The following ACVR2B variants were observed in gnomAD, a reference collection of about 807,000 sequenced individuals.
The protein encoded by ACVR2B is activin A receptor type 2B, also known as activin receptor type-2B.
In ACVR2B, 18 loss-of-function variants were observed where a neutral mutation model predicts 65.1. The ratio of observed to expected loss-of-function variants is 0.28; its 90% CI spans 0.19 to 0.41. ACVR2B has a LOEUF of 0.41. Among genes scored for constraint, ACVR2B ranks in the 10% least tolerant of loss-of-function variants. ACVR2B has a pLI of 1.00. For synonymous variants in ACVR2B, 298 were observed against 277.7 expected (o/e 1.07, Z -0.73); for missense variants, 482 against 682.7 (o/e 0.71, Z 3.28).
chr3:38,454,501 A>G, intron 1 of ACVR2B, 127 bp downstream of exon 1: 12 of 848,838 alleles, frequency 1.4e-5, no homozygotes, highest in Non-Finnish European at 1.8e-5. Context: ...TTCAGCCCTC[A>G]CCTCCGGGGG....
At chr3:38,464,255 G>C (rs1709694354) in intron 1 of ACVR2B, among the ~76,000 whole-genome samples, 1 of 152,204 alleles carries the variant, frequency 6.6e-6, no homozygotes, top group South Asian at 2.1e-4. Flanking sequence ...GCTTTGCCCT[G>C]GTGTCTCTGT....
At chr3:38,482,685 T>C in intron 10 of ACVR2B, 125 bp downstream of exon 10, 3 of 1,355,112 alleles carry the variant, frequency 2.2e-6, no homozygotes, top group South Asian at 2.6e-5. Context: ...CCCTGGACTC[T>C]AGGGATGTGT....
Position 38,490,409 on chromosome 3 carries a change from T to C in ACVR2B, c.*7077T>C, listed in dbSNP as rs1369045011. On this transcript the variant is annotated 3_prime_UTR_variant, in exon 11 of 11. Coordinates refer to ENST00000352511, the MANE Select transcript of ACVR2B (RefSeq NM_001106.4). ...CGTATAGGTTTACACTTTACCCTTT[T>C]TATACTTGGAATAAATTTAGTTCCA... 1.3e-5 allele frequency: 2 copies of C among 152,610 alleles called. No individual in the cohort carries two copies. The highest frequency in any genetic ancestry group is 2.9e-5 in the Non-Finnish European group (2 of 68,040). The allele number at this position is 152,610 out of a possible 1,614,324, so 9.5% of individuals were successfully genotyped here.
Position 38,482,510 on chromosome 3 carries a change from G to A in ACVR2B, c.1294G>A (p.Val432Met). 1 of 1,612,310 alleles carries A rather than the reference G, an allele frequency of 6.2e-7. No homozygotes were observed. The highest frequency in any genetic ancestry group is 8.5e-7 in the Non-Finnish European group (1 of 1,179,836). The change falls in exon 10 of 11, where the codon GTG (valine) becomes ATG (methionine). Residue 432 changes from valine (V) to methionine (M), a missense_variant. Val to Met is a conservative substitution (Grantham distance 21). Around this residue, in one of 5 missense-constraint regions of ACVR2B, gnomAD observed 223 missense variants for 386.3 expected, o/e 0.58. Transcript: ENST00000352511. ...PSLEELQEVV[V>M]HKKMRPTIKD... Reference sequence around the variant, plus strand: ...GTTGGAGGAGCTGCAGGAGGTGGTGGTGCACAAGAAGATGAGGCCCACCAT... The same window carrying A: ...GTTGGAGGAGCTGCAGGAGGTGGTGATGCACAAGAAGATGAGGCCCACCAT...
In ACVR2B at chr3:38,487,757, A is replaced by G. The variant is rs1457944910; in HGVS notation, c.*4425A>G. 6.6e-6 allele frequency: 1 copy of G among 152,258 alleles called. No individual in the cohort carries two copies. The highest frequency in any genetic ancestry group is 1.5e-5 in the Non-Finnish European group (1 of 68,042). 9.4% of individuals were successfully genotyped at this position (152,258 alleles called of 1,614,324 possible). Reference sequence around the variant, plus strand: ...GATTTGCTGGTTTTTAAAATAATACAGTAAGCATAAGTATGTAAGTTTTTA... The same window carrying G: ...GATTTGCTGGTTTTTAAAATAATACGGTAAGCATAAGTATGTAAGTTTTTA... On this transcript the variant is annotated 3_prime_UTR_variant, in exon 11 of 11. Transcript: ENST00000352511.
chr3:38,482,132 C>A, intron 8 of ACVR2B, 66 bp from the exon 9 acceptor site: 1 of 1,608,832 alleles, frequency 6.2e-7, no homozygotes, highest in South Asian at 1.1e-5. Flanking sequence ...GGCTGTAACT[C>A]CCATGTCCCA....
intron 1 of ACVR2B, among the ~76,000 whole-genome samples, chr3:38,458,153 A>G (rs1709581715): frequency 6.6e-6 from 1 of 152,126 alleles, no homozygotes; most frequent in African/African-American, 2.4e-5. Flanking sequence ...TCTACTGTGT[A>G]CTACTCTGTG....
rs1709504702 is a variant in ACVR2B at position 38,454,384 on chromosome 3, G to A, written c.52+10G>A. ...GGATCGCTGTGCGCCGGTAAGAACT[G>A]GGCGCGGCGCGGGGACGCCGAGAGG... On this transcript the variant is annotated intron_variant, in intron 1 of 10. Coordinates refer to ENST00000352511, the MANE Select transcript of ACVR2B (RefSeq NM_001106.4). The A allele has an allele frequency of 4.0e-6, 5 of 1,253,546 alleles. No individual in the cohort carries two copies. The highest frequency in any genetic ancestry group is 4.0e-6 in the Non-Finnish European group (4 of 999,768). The allele number at this position is 1,253,546 out of a possible 1,614,324, so 77.7% of individuals were successfully genotyped here. A position where few individuals can be genotyped will look rare whatever the true frequency, so the allele number is the denominator to read the frequency against.
At chr3:38,475,028 A>AC (rs1709883466) in intron 1 of ACVR2B, 2 of 152,188 alleles carry the variant, frequency 1.3e-5, no homozygotes, top group South Asian at 4.1e-4. Context: ...GTCTCCACGG[A>AC]CCCCCACTAG....
Position 38,454,219 on chromosome 3 carries a change from G to A in ACVR2B, c.-104G>A. On this transcript the variant is annotated 5_prime_UTR_variant, in exon 1 of 11. Transcript: ENST00000352511. Reference sequence around the variant, plus strand: ...GCGCAGGGAACGAGACCGAAGGAAGGAGCGGGAAGGAGAGCGCAGCCGCCG... The same window carrying A: ...GCGCAGGGAACGAGACCGAAGGAAGAAGCGGGAAGGAGAGCGCAGCCGCCG... The A allele has an allele frequency of 1.2e-6, 1 of 839,704 alleles. No homozygotes were observed. Among genetic ancestry groups the A allele is most frequent in the Non-Finnish European group, 1.5e-6 (1 of 654,570 alleles). 52.0% of individuals were successfully genotyped at this position (839,704 alleles called of 1,614,324 possible). A position where few individuals can be genotyped will look rare whatever the true frequency, so the allele number is the denominator to read the frequency against.
chr3:38,483,499 TTAA>T lies in ACVR2B; in HGVS notation c.*170_*172del, dbSNP rs1307467893. 5 of 278,720 alleles carry T rather than the reference TTAA, an allele frequency of 1.8e-5. No homozygotes were observed. In the South Asian group the frequency reaches 3.3e-4, roughly 18 times the overall value. The allele number at this position is 278,720 out of a possible 1,614,324, so 17.3% of individuals were successfully genotyped here. On this transcript the variant is annotated 3_prime_UTR_variant, in exon 11 of 11. Transcript: ENST00000352511. This position sits in a 1 kb window ranked among gnomAD's most constrained non-coding sequence, Gnocchi z 4.8. Reference sequence around the variant, plus strand: ...ATTATAATTATTATAATTATTATTATTAATATTATTTTTTGGATTGGATCAGTT... The same window carrying T: ...ATTATAATTATTATAATTATTATTATTATTATTTTTTGGATTGGATCAGTT...
At chr3:38,468,929 T>C (rs1016075502) in intron 1 of ACVR2B, among the ~76,000 whole-genome samples, 1 of 152,204 alleles carries the variant, frequency 6.6e-6, no homozygotes, top group African/African-American at 2.4e-5. Context: ...TCCAGTGTTT[T>C]CCAGGAATGA....
At chr3:38,474,829 G>C (rs1475762492) in intron 1 of ACVR2B, 1 of 152,294 alleles carries the variant, frequency 6.6e-6, no homozygotes, top group Non-Finnish European at 1.5e-5. Context: ...AGAGGGAAGA[G>C]CCGAAATCAG....
At chr3:38,479,056 C>A in intron 5 of ACVR2B, 72 bp from the exon 6 acceptor site, 1 of 1,595,964 alleles carries the variant, frequency 6.3e-7, no homozygotes, top group Admixed American at 1.7e-5. Context: ...GGTTGTTCTG[C>A]TGTAGGGCAA....
At chr3:38,479,396 T>G in intron 6 of ACVR2B, 125 bp downstream of exon 6, 1 of 1,421,078 alleles carries the variant, frequency 7.0e-7, no homozygotes, top group Non-Finnish European at 9.9e-7. Flanking sequence ...CCGGTAGCAC[T>G]ATCCACTATG....
Position 38,477,767 on chromosome 3 carries a change from G to A in ACVR2B, c.261-94G>A, listed in dbSNP as rs1709937669. ...ACCGTCCCCCTGGTGTTGCCCATGA[G>A]GTGCTCTGTCTGTGAGGAGGGGTTG... On this transcript the variant is annotated intron_variant, in intron 2 of 10. Coordinates refer to ENST00000352511, the MANE Select transcript of ACVR2B (RefSeq NM_001106.4). The surrounding 1 kb of genome is among the most constrained non-coding windows in gnomAD (Gnocchi z 6.7). 1 of 1,302,132 alleles carries A rather than the reference G, an allele frequency of 7.7e-7. No individual in the cohort carries two copies. The highest frequency in any genetic ancestry group is 1.1e-6 in the Non-Finnish European group (1 of 895,372). 80.7% of individuals were successfully genotyped at this position (1,302,132 alleles called of 1,614,324 possible).
rs560748079 is a variant in ACVR2B, at chr3:38,488,017, C to G, written c.*4685C>G. 3 of 152,182 alleles carry G rather than the reference C, an allele frequency of 2.0e-5. No individual in the cohort carries two copies. The highest frequency in any genetic ancestry group is 4.4e-5 in the Non-Finnish European group (3 of 68,036). 9.4% of individuals were successfully genotyped at this position (152,182 alleles called of 1,614,324 possible). ...GAAGCTCCGTGAATCTAGTCATCTA[C>G]CCTTCATCCTGGGCGAACAGCCAAA... On this transcript the variant is annotated 3_prime_UTR_variant, in exon 11 of 11. Coordinates refer to ENST00000352511, the MANE Select transcript of ACVR2B (RefSeq NM_001106.4).
At chr3:38,457,142 T>G (rs952647861) in intron 1 of ACVR2B, among the ~76,000 whole-genome samples, 3 of 152,162 alleles carry the variant, frequency 2.0e-5, no homozygotes, top group African/African-American at 7.2e-5. Context: ...AGGTAGAGGT[T>G]GCAGTGAGCC....
In ACVR2B at chr3:38,488,666, C is replaced by G. The variant is rs1175991518; in HGVS notation, c.*5334C>G. 1 of 152,168 alleles carries G rather than the reference C, an allele frequency of 6.6e-6. No homozygotes were observed. Among genetic ancestry groups the G allele is most frequent in the Non-Finnish European group, 1.5e-5 (1 of 68,030 alleles). 9.4% of individuals were successfully genotyped at this position (152,168 alleles called of 1,614,324 possible). On this transcript the variant is annotated 3_prime_UTR_variant, in exon 11 of 11. Coordinates refer to ENST00000352511, the MANE Select transcript of ACVR2B (RefSeq NM_001106.4). ...TTTTCCAGGTATGAATGAAACATGA[C>G]TTTTTGATTGTGGTACTTCCTGTAT...
Sources: allele counts gnomAD v4.1 joint callset (sites outside exome capture counted in the v4.1 genomes callset), GRCh38; gene constraint gnomAD v4.1.1; regional missense constraint gnomAD v4.1.1; non-coding constraint Gnocchi (gnomAD v3.1); transcripts MANE v1.5; gene names NCBI Gene and HGNC (gene_info 2026-07-23, HGNC 2026-07-21).